The following UBE2E1 variants were observed in gnomAD, a reference collection of about 807,000 sequenced individuals.
UBE2E1 encodes the protein ubiquitin conjugating enzyme E2 E1.
A neutral mutation model predicts 21.4 loss-of-function variants in UBE2E1; 6 were observed. That is an observed-to-expected ratio of 0.28 (90% CI 0.15 to 0.55). The LOEUF is 0.55. Ranked by LOEUF, UBE2E1 falls within the 20% of genes least tolerant of loss-of-function variation. The pLI is 0.93. For missense variants in UBE2E1, 142 were observed against 236.5 expected (o/e 0.60, Z 2.62); for synonymous variants, 87 against 82.7 (o/e 1.05, Z -0.28).
intron 3 of UBE2E1, among the ~76,000 whole-genome samples, chr3:23,850,837 CTTTTTT>C (rs71057628): frequency 1.1e-3 from 136 of 128,456 alleles, no homozygotes; most frequent in African/African-American, 3.5e-3. Context: ...CCACACCCAG[CTTTTTT>C]TTTTTTTTTT....
At chr3:23,835,657 A>G (rs1034624525) in intron 3 of UBE2E1, among the ~76,000 whole-genome samples, 7 of 152,212 alleles carry the variant, frequency 4.6e-5, no homozygotes, top group African/African-American at 1.7e-4. Flanking sequence ...GGTAATTTCC[A>G]GGCTTTTATG....
chr3:23,841,720 A>G (rs1260339891), intron 3 of UBE2E1, among the ~76,000 whole-genome samples: 1 of 152,220 alleles, frequency 6.6e-6, no homozygotes, highest in Non-Finnish European at 1.5e-5. Context: ...AAACAAAAAC[A>G]ATCCCACATG....
chr3:23,884,234 T>TAC (rs34031480), intron 3 of UBE2E1, among the ~76,000 whole-genome samples: 120,972 of 152,014 alleles, frequency 0.8, 49,088 homozygotes, highest in African/African-American at 0.93. Context: ...GCAAACAGAT[T>TAC]AGAGAGATAG....
At chr3:23,852,736 C>T (rs965640187) in intron 3 of UBE2E1, among the ~76,000 whole-genome samples, 1 of 151,996 alleles carries the variant, frequency 6.6e-6, no homozygotes, top group Admixed American at 6.6e-5. Flanking sequence ...CTGGGACTTA[C>T]AGGCACGTGC....
intron 3 of UBE2E1, among the ~76,000 whole-genome samples, chr3:23,817,750 G>C (rs1699560545): frequency 6.6e-6 from 1 of 152,120 alleles, no homozygotes; most frequent in African/African-American, 2.4e-5. Flanking sequence ...CAGAAAAAGG[G>C]CACTATTGGG....
intron 3 of UBE2E1, among the ~76,000 whole-genome samples, chr3:23,858,890 T>C (rs1700495425): frequency 6.6e-6 from 1 of 152,168 alleles, no homozygotes; most frequent in Admixed American, 6.5e-5. Flanking sequence ...AATTTTTATA[T>C]TGGGCCCATT....
chr3:23,870,264 C>A lies in UBE2E1; in HGVS notation c.204-17303C>A, dbSNP rs755275589. On this transcript the variant is annotated intron_variant, in intron 3 of 5. Transcript: ENST00000306627. The surrounding 1 kb of genome is among the most constrained non-coding windows in gnomAD (Gnocchi z 4.2). ...ACAGCTGCAGGATGAGATGGGGGGC[C>A]GGGGGGACCATAGCTCCTTTTTTTA... Among the ~76,000 whole-genome samples the A allele has an allele frequency of 3.3e-5, 5 of 151,812 alleles. No individual in the cohort carries two copies. In the East Asian group the frequency reaches 5.8e-4, roughly 18 times the overall value.
chr3:23,884,310 T>C (rs1199161108), intron 3 of UBE2E1, among the ~76,000 whole-genome samples: 3 of 152,182 alleles, frequency 2.0e-5, no homozygotes, highest in Admixed American at 2.0e-4. Context: ...AACTGTAAAA[T>C]GTTCAAACTT....
chr3:23,872,311 G>A (rs1394561863), intron 3 of UBE2E1, among the ~76,000 whole-genome samples: 1 of 151,902 alleles, frequency 6.6e-6, no homozygotes, highest in Non-Finnish European at 1.5e-5. Flanking sequence ...GCAGTGAGCC[G>A]AGATGGCAGC....
chr3:23,888,050 T>G (rs1031548950), intron 4 of UBE2E1, among the ~76,000 whole-genome samples: 2 of 152,164 alleles, frequency 1.3e-5, no homozygotes, highest in African/African-American at 4.8e-5. Context: ...TGTGCACCTG[T>G]AGTCCAGCTA....
At chr3:23,841,389 A>AT (rs1359204630) in intron 3 of UBE2E1, among the ~76,000 whole-genome samples, 4 of 151,480 alleles carry the variant, frequency 2.6e-5, no homozygotes, top group South Asian at 2.1e-4. Flanking sequence ...TAGATGATTG[A>AT]TTTTTTTCTG....
intron 3 of UBE2E1, among the ~76,000 whole-genome samples, chr3:23,852,352 TTATG>T (rs1463988621): frequency 1.3e-5 from 2 of 152,242 alleles, no homozygotes. Context: ...AAATTTATTC[TTATG>T]TATTTTACTC....
At chr3:23,884,812 T>C (rs1173274206) in intron 3 of UBE2E1, among the ~76,000 whole-genome samples, 1 of 152,238 alleles carries the variant, frequency 6.6e-6, no homozygotes, top group African/African-American at 2.4e-5. Flanking sequence ...CTCTTGGCCT[T>C]GGTTCCTCAT....
At chr3:23,818,926 A>G (rs1426260896) in intron 3 of UBE2E1, among the ~76,000 whole-genome samples, 1 of 152,188 alleles carries the variant, frequency 6.6e-6, no homozygotes, top group Non-Finnish European at 1.5e-5. Flanking sequence ...TCTAAAGTGT[A>G]AGAACTTAGG....
At chr3:23,822,259 T>C (rs966480863) in intron 3 of UBE2E1, among the ~76,000 whole-genome samples, 1 of 152,154 alleles carries the variant, frequency 6.6e-6, no homozygotes, top group Admixed American at 6.5e-5. Flanking sequence ...GGAGAGACAA[T>C]GGAAAAGGAG....
At chr3:23,834,831 T>C (rs1699945630) in intron 3 of UBE2E1, among the ~76,000 whole-genome samples, 1 of 152,262 alleles carries the variant, frequency 6.6e-6, no homozygotes, top group Non-Finnish European at 1.5e-5. Flanking sequence ...AGTTTTGTTT[T>C]ATAAATTTTT....
intron 3 of UBE2E1, among the ~76,000 whole-genome samples, chr3:23,858,402 C>G (rs953120199): frequency 6.6e-6 from 1 of 152,168 alleles, no homozygotes; most frequent in African/African-American, 2.4e-5. Flanking sequence ...TCACTGCAAC[C>G]TCTGCCTCCT....
chr3:23,842,579 T>C lies in UBE2E1; in HGVS notation c.203+31069T>C, dbSNP rs1048482822. Reference sequence around the variant, plus strand: ...GGCAAGATATTTCAAGGCCTCCTTTTGTTATGTAAGCTGAATTCATAGCTT... The same window carrying C: ...GGCAAGATATTTCAAGGCCTCCTTTCGTTATGTAAGCTGAATTCATAGCTT... On this transcript the variant is annotated intron_variant, in intron 3 of 5. Coordinates refer to ENST00000306627, the MANE Select transcript of UBE2E1 (RefSeq NM_003341.5). This position sits in a 1 kb window ranked among gnomAD's most constrained non-coding sequence, Gnocchi z 4.6. 6.6e-6 allele frequency among the ~76,000 whole-genome samples: 1 copy of C among 152,202 alleles called. No homozygotes were observed. The highest frequency in any genetic ancestry group is 2.4e-5 in the African/African-American group (1 of 41,440).
intron 3 of UBE2E1, among the ~76,000 whole-genome samples, chr3:23,844,127 G>A (rs1214473772): frequency 1.3e-5 from 2 of 152,108 alleles, no homozygotes; most frequent in Non-Finnish European, 2.9e-5. Flanking sequence ...CTAAGGCGCA[G>A]GCTACAGCTA....
Sources: allele counts gnomAD v4.1 joint callset (sites outside exome capture counted in the v4.1 genomes callset), GRCh38; gene constraint gnomAD v4.1.1; non-coding constraint Gnocchi (gnomAD v3.1); transcripts MANE v1.5; gene names NCBI Gene and HGNC (gene_info 2026-07-23, HGNC 2026-07-21).